Variants in ATP6V1E1 observed in about 807,000 individuals in gnomAD.
The protein encoded by ATP6V1E1 is ATPase H+ transporting V1 subunit E1.
In ATP6V1E1, 21 loss-of-function variants were observed where a neutral mutation model predicts 35.2. That is an observed-to-expected ratio of 0.60 (90% CI 0.42 to 0.86). ATP6V1E1 has a LOEUF of 0.86. Among genes scored for constraint, ATP6V1E1 ranks in the 40% least tolerant of loss-of-function variants. The probability of loss-of-function intolerance (pLI) is 0.00; values close to 1 mark genes in which losing one functional copy is unlikely to be tolerated. For missense variants in ATP6V1E1, 183 were observed against 272.6 expected, an observed-to-expected ratio of 0.67 and a Z score of 2.32; for synonymous variants, 83 against 87.8, an observed-to-expected ratio of 0.95 and a Z score of 0.30.
chr22:17,621,941 C>T (rs548113343), intron 1 of ATP6V1E1, among the ~76,000 whole-genome samples: 6 of 152,210 alleles, frequency 3.9e-5, no homozygotes, highest in South Asian at 4.1e-4. Flanking sequence ...CCTAGATCAC[C>T]GGCTACAATT....
chr22:17,623,376 C>T (rs2057887759), intron 1 of ATP6V1E1, among the ~76,000 whole-genome samples: 1 of 152,144 alleles, frequency 6.6e-6, no homozygotes, highest in East Asian at 1.9e-4. Flanking sequence ...CTTATTCTAT[C>T]TGGAATTTTA....
At chr22:17,624,842 T>C (rs1307258371) in intron 1 of ATP6V1E1, among the ~76,000 whole-genome samples, 1 of 152,104 alleles carries the variant, frequency 6.6e-6, no homozygotes, top group Non-Finnish European at 1.5e-5. Context: ...ATCATTTTGA[T>C]CTAGATTCCA....
chr22:17,621,979 G>C (rs930699809), intron 1 of ATP6V1E1, among the ~76,000 whole-genome samples: 1 of 152,136 alleles, frequency 6.6e-6, no homozygotes, highest in South Asian at 2.1e-4. Flanking sequence ...GAAGGCTTCC[G>C]AATGGGGCTT....
intron 4 of ATP6V1E1, among the ~76,000 whole-genome samples, chr22:17,608,947 G>T (rs942086693): frequency 6.6e-6 from 1 of 151,870 alleles, no homozygotes; most frequent in South Asian, 2.1e-4. Flanking sequence ...TTAGCCGGGC[G>T]CAGTGGCGGG....
At chr22:17,625,274 T>G (rs767794105) in intron 1 of ATP6V1E1, among the ~76,000 whole-genome samples, 1 of 151,450 alleles carries the variant, frequency 6.6e-6, no homozygotes, top group African/African-American at 2.4e-5. Context: ...ACGAAAAACT[T>G]TTTTTTTTGA....
intron 1 of ATP6V1E1, among the ~76,000 whole-genome samples, chr22:17,620,330 G>GTT (rs2057869552): frequency 6.6e-6 from 1 of 151,790 alleles, no homozygotes; most frequent in Non-Finnish European, 1.5e-5. Flanking sequence ...TGTATTTTTA[G>GTT]TAGAGACGGG....
At chr22:17,596,431 G>A (rs1052270878) in intron 7 of ATP6V1E1, among the ~76,000 whole-genome samples, 3 of 151,994 alleles carry the variant, frequency 2.0e-5, no homozygotes, top group Non-Finnish European at 4.4e-5. Context: ...GGTTCCCTAG[G>A]CTCTCTGGCC....
chr22:17,599,840 G>A (rs970016113), intron 6 of ATP6V1E1, among the ~76,000 whole-genome samples, 187 bp downstream of exon 6: 3 of 151,328 alleles, frequency 2.0e-5, no homozygotes, highest in South Asian at 4.2e-4. Flanking sequence ...CAGGAGAATC[G>A]CTTGAACCCG....
At chr22:17,622,728 G>C (rs1448563452) in intron 1 of ATP6V1E1, among the ~76,000 whole-genome samples, 1 of 152,202 alleles carries the variant, frequency 6.6e-6, no homozygotes, top group African/African-American at 2.4e-5. Context: ...GACCCTGGGA[G>C]GCCAAGGTGG....
At chr22:17,612,550 T>C (rs1340752664) in intron 4 of ATP6V1E1, 4 of 351,726 alleles carry the variant, frequency 1.1e-5, no homozygotes, top group Non-Finnish European at 2.1e-5. Flanking sequence ...GTCTCACTGG[T>C]CCCTGTACCC....
chr22:17,614,180 G>A (rs1029294784), intron 2 of ATP6V1E1, among the ~76,000 whole-genome samples: 17 of 151,532 alleles, frequency 1.1e-4, no homozygotes, highest in African/African-American at 3.9e-4. Context: ...GAGAAACCTC[G>A]TCTCTACTAA....
Position 17,613,273 on chromosome 22 carries a change from T to C in ATP6V1E1, c.147A>G (p.Gln49=). The part of the protein sequence containing the change: ...NIEKGRLVQT[Q]RLKIMEYYEK... ...CATAATATTCCATAATCTTTAGTCT[T>C]TGGGTTTGCACAAGCCGACCTTTCT... Residue 49 remains glutamine, a synonymous_variant, in exon 3 of 9, where the codon CAA becomes CAG. Transcript: ENST00000253413. 6.2e-7 allele frequency: 1 copy of C among 1,613,826 alleles called. No homozygotes were observed. Among genetic ancestry groups the C allele is most frequent in the South Asian group, 1.1e-5 (1 of 90,950 alleles).
intron 4 of ATP6V1E1, among the ~76,000 whole-genome samples, chr22:17,609,828 G>A (rs554902247): frequency 6.6e-6 from 1 of 152,110 alleles, no homozygotes; most frequent in Non-Finnish European, 1.5e-5. Context: ...TGTCATGAGA[G>A]ATGTTACTAA....
intron 1 of ATP6V1E1, 60 bp downstream of exon 1, chr22:17,628,543 C>A: frequency 6.2e-7 from 1 of 1,611,920 alleles, no homozygotes; most frequent in East Asian, 2.2e-5. Flanking sequence ...CCTAGGCGGG[C>A]TCCAGCCCAC....
In ATP6V1E1 at chr22:17,618,536, G is replaced by A. The variant is rs185860431; in HGVS notation, c.99+925C>T. Among the ~76,000 whole-genome samples, 554 of 151,660 alleles carry A rather than the reference G, an allele frequency of 3.7e-3. 2 individuals carry two copies. Among genetic ancestry groups the A allele is most frequent in the African/African-American group, 0.013 (521 of 41,338 alleles). On this transcript the variant is annotated intron_variant, in intron 2 of 8. Coordinates refer to ENST00000253413, the MANE Select transcript of ATP6V1E1 (RefSeq NM_001696.4). ...TCTCTACTAAAAATACAAAAAATTA[G>A]CCAGGCGTGGTGGCGGGTGTCTGTA...
At chr22:17,620,579 C>T (rs907199255) in intron 1 of ATP6V1E1, among the ~76,000 whole-genome samples, 3 of 152,076 alleles carry the variant, frequency 2.0e-5, no homozygotes, top group African/African-American at 7.2e-5. Flanking sequence ...TCCTAGACAG[C>T]TCTTTTTGAA....
chr22:17,620,147 T>C (rs958732078), intron 1 of ATP6V1E1, among the ~76,000 whole-genome samples: 1 of 143,896 alleles, frequency 6.9e-6, no homozygotes, highest in Non-Finnish European at 1.6e-5. Flanking sequence ...CAACCTTCCC[T>C]TTGTTTTTTT....
intron 2 of ATP6V1E1, among the ~76,000 whole-genome samples, chr22:17,616,548 A>T (rs2401159): frequency 6.6e-6 from 1 of 151,430 alleles, no homozygotes; most frequent in African/African-American, 2.4e-5. Context: ...GCGTGATGGC[A>T]TGCGCCTGTA....
chr22:17,592,357 CTT>C lies in ATP6V1E1; in HGVS notation c.*315_*316del. On this transcript the variant is annotated 3_prime_UTR_variant, in exon 9 of 9. Transcript: ENST00000253413. The stretch of plus-strand genomic sequence containing the variant: ...CAGGGCCAAACACCAAATACATCAC[CTT>C]TAGGCCAGACGGAGAGTGGAGACCC... 2.7e-6 allele frequency: 1 copy of C among 368,486 alleles called. No homozygotes were observed. Among genetic ancestry groups the C allele is most frequent in the Non-Finnish European group, 5.1e-6 (1 of 196,022 alleles). The allele number at this position is 368,486 out of a possible 1,614,324, so 22.8% of individuals were successfully genotyped here.
Sources: gnomAD v4.1 joint callset for allele counts (sites outside exome capture counted in the v4.1 genomes callset) on GRCh38, gnomAD v4.1.1 for gene constraint, MANE v1.5 for transcripts, NCBI Gene and HGNC (gene_info 2026-07-23, HGNC 2026-07-21) for gene names.